Variants in KYAT1 observed in about 807,000 individuals in gnomAD.
The protein encoded by KYAT1 is kynurenine aminotransferase 1, also known as kynurenine--oxoglutarate transaminase 1.
A neutral mutation model predicts 52.4 loss-of-function variants in KYAT1; 47 were observed. The ratio of observed to expected loss-of-function variants is 0.90; its 90% CI spans 0.71 to 1.14. KYAT1 has a LOEUF of 1.14. Ranked by LOEUF, KYAT1 falls within the 50% of genes most tolerant of loss-of-function variation. The pLI, the probability that KYAT1 is intolerant of heterozygous loss-of-function variation, is 0.00. For synonymous variants in KYAT1, 212 were observed against 209.6 expected, an observed-to-expected ratio of 1.01 and a Z score of -0.10; for missense variants, 480 against 557.9, an observed-to-expected ratio of 0.86 and a Z score of 1.41.
rs1451551237 is a variant in KYAT1, at chr9:128,835,406, G to A, written c.1043-4C>T. 1 of 1,613,902 alleles carries A rather than the reference G, an allele frequency of 6.2e-7. No individual in the cohort carries two copies. The highest frequency in any genetic ancestry group is 1.6e-4 in the Middle Eastern group (1 of 6,062). On this transcript the variant is annotated splice_polypyrimidine_tract_variant and splice_region_variant and intron_variant, in intron 10 of 12. Transcript: ENST00000302586. Reference sequence around the variant, plus strand: ...GGCAAGTCAGGCATCTTCCTCTCTGGGAGACAGAGGCCACACTGAGCCCCC... The same window carrying A: ...GGCAAGTCAGGCATCTTCCTCTCTGAGAGACAGAGGCCACACTGAGCCCCC...
At chr9:128,854,533 G>A (rs1275595493) in intron 1 of KYAT1, among the ~76,000 whole-genome samples, 5 of 152,146 alleles carry the variant, frequency 3.3e-5, no homozygotes, top group South Asian at 2.1e-4. Flanking sequence ...CGAAGCCGCC[G>A]ACCTGGGCCC....
chr9:128,834,874 C>T (rs1367538496), intron 11 of KYAT1, among the ~76,000 whole-genome samples: 25 of 144,998 alleles, frequency 1.7e-4, no homozygotes, highest in African/African-American at 6.3e-4. Flanking sequence ...CAGTGGCTCA[C>T]GCCTGTAATC....
intron 1 of KYAT1, among the ~76,000 whole-genome samples, chr9:128,861,049 GGGAACAATAGACTTGCTT>G (rs2130667036): frequency 6.6e-6 from 1 of 152,294 alleles, no homozygotes; most frequent in East Asian, 1.9e-4. Flanking sequence ...TTGGAACAAT[GGGAACAATAGACTTGCTT>G]GGTGCAAGGT....
At chr9:128,834,434 T>C (rs1428729603) in intron 11 of KYAT1, among the ~76,000 whole-genome samples, 3 of 152,048 alleles carry the variant, frequency 2.0e-5, no homozygotes, top group Non-Finnish European at 2.9e-5. Context: ...ACTCAAGAGT[T>C]AATGGGCCAA....
intron 1 of KYAT1, among the ~76,000 whole-genome samples, chr9:128,880,191 C>T (rs1838609056): frequency 6.6e-6 from 1 of 152,196 alleles, no homozygotes; most frequent in Admixed American, 6.6e-5. Flanking sequence ...GGCAGGCCCA[C>T]AGTCCACAGG....
chr9:128,845,480 G>T, intron 1 of KYAT1, 69 bp from the exon 2 acceptor site: 2 of 1,457,356 alleles, frequency 1.4e-6, no homozygotes, highest in South Asian at 1.1e-5. Flanking sequence ...CTTGCACACA[G>T]GAGGGACAGC....
intron 3 of KYAT1, among the ~76,000 whole-genome samples, chr9:128,841,400 G>A (rs1224739019): frequency 2.0e-5 from 3 of 152,178 alleles, no homozygotes; most frequent in Non-Finnish European, 4.4e-5. Context: ...CTACTCAAGA[G>A]GCTGAGGCAG....
At position 128,843,812 on chromosome 9, in the gene KYAT1, T is replaced by A. The variant is rs529798081; in HGVS notation, c.54-1011A>T. On this transcript the variant is annotated intron_variant, in intron 2 of 12. Coordinates refer to ENST00000302586, the MANE Select transcript of KYAT1 (RefSeq NM_004059.5). ...TACTCTATTCTTTCCAAATACTAGT[T>A]GAGACCCCCTGTACAGATTGCATGA... is the stretch of plus-strand genomic sequence containing the variant. Among the ~76,000 whole-genome samples the A allele has an allele frequency of 1.9e-4, 29 of 152,346 alleles. No homozygotes were observed. In the East Asian group the frequency reaches 5.4e-3, roughly 28 times the overall value.
intron 1 of KYAT1, among the ~76,000 whole-genome samples, chr9:128,858,154 T>C (rs1038647953): frequency 6.6e-6 from 1 of 151,878 alleles, no homozygotes; most frequent in Non-Finnish European, 1.5e-5. Flanking sequence ...CCCAGCACTT[T>C]GGGAGGCTGA....
chr9:128,852,988 T>G (rs906802364), intron 1 of KYAT1, among the ~76,000 whole-genome samples: 14 of 152,242 alleles, frequency 9.2e-5, no homozygotes, highest in Non-Finnish European at 2.1e-4. Flanking sequence ...CCAACAGGCA[T>G]TATTGTTCAA....
chr9:128,842,915 C>T, intron 2 of KYAT1, 114 bp from the exon 3 acceptor site: 2 of 1,113,236 alleles, frequency 1.8e-6, no homozygotes, highest in Non-Finnish European at 2.5e-6. Context: ...GCCTGTAATC[C>T]CAGCACTTTG....
chr9:128,843,573 T>C (rs1261676075), intron 2 of KYAT1, among the ~76,000 whole-genome samples: 1 of 151,982 alleles, frequency 6.6e-6, no homozygotes, highest in Admixed American at 6.6e-5. Flanking sequence ...CAGATGGGGT[T>C]TTGCTATGTT....
At chr9:128,842,151 C>A in intron 3 of KYAT1, 1 of 325,056 alleles carries the variant, frequency 3.1e-6, no homozygotes, top group Non-Finnish European at 6.4e-6. Context: ...CATGATCGCA[C>A]CATTGCACTC....
intron 1 of KYAT1, chr9:128,847,377 G>C: frequency 8.1e-7 from 1 of 1,236,916 alleles, no homozygotes; most frequent in Non-Finnish European, 1.1e-6. Flanking sequence ...GAACGAGCCA[G>C]ACCCCAGAAG....
At chr9:128,848,820 C>CA (rs746737161) in intron 1 of KYAT1, among the ~76,000 whole-genome samples, 9,197 of 56,404 alleles carry the variant, frequency 0.16, 581 homozygotes, top group Admixed American at 0.27. Flanking sequence ...GACTCTGTCT[C>CA]AAAAAAAAAA....
rs1255134985 is a variant in KYAT1 at position 128,842,792 on chromosome 9, A to G, written c.63T>C (p.Phe21=). The stretch of plus-strand genomic sequence containing the variant: ...CGTCATGCTCACTGGCCAGTTTCAC[A>G]AACTCCACCCTGGGTAACAAATGGA... The part of the protein sequence containing the change: ...DGIDYNPWVE[F]VKLASEHDVV... Residue 21 remains phenylalanine, a synonymous_variant, in exon 3 of 13, where the codon TTT becomes TTC. Coordinates refer to ENST00000302586, the MANE Select transcript of KYAT1 (RefSeq NM_004059.5). 2 of 1,613,684 alleles carry G rather than the reference A, an allele frequency of 1.2e-6. No individual in the cohort carries two copies. The highest frequency in any genetic ancestry group is 2.2e-5 in the South Asian group (2 of 91,000).
chr9:128,866,628 C>T (rs1421698823), intron 1 of KYAT1, among the ~76,000 whole-genome samples: 1 of 148,294 alleles, frequency 6.7e-6, no homozygotes, highest in South Asian at 2.1e-4. Context: ...AGAAAATAGT[C>T]GCCGGGCGCA....
At chr9:128,872,554 G>A (rs538507522) in intron 1 of KYAT1, among the ~76,000 whole-genome samples, 24 of 152,154 alleles carry the variant, frequency 1.6e-4, no homozygotes, top group African/African-American at 5.5e-4. Flanking sequence ...GATCACCTGA[G>A]GTCAGGAGTT....
intron 1 of KYAT1, among the ~76,000 whole-genome samples, chr9:128,874,713 T>C (rs1259432655): frequency 6.7e-6 from 1 of 149,386 alleles, no homozygotes; most frequent in Non-Finnish European, 1.5e-5. Context: ...TGTGGTGAGA[T>C]AATCCTGCCT....
Sources: allele counts gnomAD v4.1 joint callset (sites outside exome capture counted in the v4.1 genomes callset), GRCh38; gene constraint gnomAD v4.1.1; transcripts MANE v1.5; gene names NCBI Gene and HGNC (gene_info 2026-07-23, HGNC 2026-07-21).